The following TARBP1 variants were observed in gnomAD, a reference collection of about 807,000 sequenced individuals.
TARBP1 encodes the protein tRNA guanosine 2 -O-methyltransferase TARBP1.
A neutral mutation model predicts 178.6 loss-of-function variants in TARBP1; 144 were observed. The ratio of observed to expected loss-of-function variants is 0.81; its 90% CI spans 0.70 to 0.93. TARBP1 has a LOEUF of 0.93. TARBP1 is among the 40% of genes least tolerant of loss of function. The pLI is 0.00. For missense variants in TARBP1, 2,067 were observed against 2,011.7 expected, an observed-to-expected ratio of 1.03 and a Z score of -0.53; for synonymous variants, 787 against 781.0, an observed-to-expected ratio of 1.01 and a Z score of -0.13.
rs986216043 is a variant in TARBP1 at position 234,478,490 on chromosome 1, G to C, written c.614C>G (p.Ala205Gly). ...LLPVLVQCGGAALRAVWGGLA... is the reference protein window; with the variant it reads ...LLPVLVQCGGGALRAVWGGLA... ...CCCGCCCCACACGGCCCGCAGCGCC[G>C]CCCCGCCACATTGGACCAGCACTGG... The change falls in exon 1 of 30, where the codon GCG (alanine) becomes GGG (glycine). Residue 205 changes from alanine (A) to glycine (G), a missense_variant. Coordinates refer to ENST00000040877, the MANE Select transcript of TARBP1 (RefSeq NM_005646.4). The C allele has an allele frequency of 1.4e-6, 2 of 1,380,320 alleles. No homozygotes were observed. The highest frequency in any genetic ancestry group is 2.7e-4 in the Middle Eastern group (1 of 3,748). The allele number at this position is 1,380,320 out of a possible 1,614,324, so 85.5% of individuals were successfully genotyped here. A position where few individuals can be genotyped will look rare whatever the true frequency, so the allele number is the denominator to read the frequency against.
At chr1:234,408,186 C>G (rs928698655) in intron 23 of TARBP1, among the ~76,000 whole-genome samples, 4 of 151,642 alleles carry the variant, frequency 2.6e-5, no homozygotes, top group Non-Finnish European at 4.4e-5. Flanking sequence ...CAACTATGAG[C>G]ATAATTAAGA....
chr1:234,441,686 A>G (rs953427053), intron 12 of TARBP1, among the ~76,000 whole-genome samples: 2 of 152,172 alleles, frequency 1.3e-5, no homozygotes, highest in Non-Finnish European at 2.9e-5. Context: ...GAAACCTCAT[A>G]CCCTTTAAAT....
chr1:234,391,825 TATTC>T (rs1659400525), intron 29 of TARBP1, 80 bp from the exon 30 acceptor site: 9 of 1,428,852 alleles, frequency 6.3e-6, no homozygotes, highest in Non-Finnish European at 8.6e-6. Flanking sequence ...ATTTTTTGTT[TATTC>T]ACTTATTTTT....
At position 234,478,618 on chromosome 1, in the gene TARBP1, G is replaced by A. The variant is rs1281387806; in HGVS notation, c.486C>T (p.Arg162=). The change falls in exon 1 of 30, where the codon CGC becomes CGT. Residue 162 remains arginine (R), a synonymous_variant. Transcript: ENST00000040877. The part of the protein sequence containing the change: ...RPREDGPLLE[R]VAGTAVALAL... ...CCAGGGCGACGGCGGTCCCCGCCAC[G>A]CGCTCCAGTAGCGGCCCGTCCTCGC... is the stretch of plus-strand genomic sequence containing the variant. 1.5e-6 allele frequency: 2 copies of A among 1,305,470 alleles called. No individual in the cohort carries two copies. The highest frequency in any genetic ancestry group is 1.6e-5 in the African/African-American group (1 of 64,084). 80.9% of individuals were successfully genotyped at this position (1,305,470 alleles called of 1,614,324 possible). A position where few individuals can be genotyped will look rare whatever the true frequency, so the allele number is the denominator to read the frequency against.
At position 234,393,645 on chromosome 1, in the gene TARBP1, C is replaced by T. The variant is rs780015645; in HGVS notation, c.4435+1G>A. On this transcript the variant is annotated splice_donor_variant, in intron 27 of 29. Transcript: ENST00000040877. LOFTEE classifies it high-confidence loss of function. ...AAGCTCCCAGAAAACTCCAACTTTA[C>T]CTCCTAAATTGGTCGGTTTGTCGAT... 1.1e-5 allele frequency: 18 copies of T among 1,597,098 alleles called. No homozygotes were observed. The highest frequency in any genetic ancestry group is 1.5e-5 in the Non-Finnish European group (18 of 1,168,446).
chr1:234,427,825 G>T, intron 17 of TARBP1, 59 bp from the exon 18 acceptor site: 1 of 1,221,830 alleles, frequency 8.2e-7, no homozygotes, highest in Non-Finnish European at 1.1e-6. Flanking sequence ...AATCAGTGCT[G>T]CTAAAAACTG....
At position 234,429,449 on chromosome 1, in the gene TARBP1, T is replaced by C. The variant is rs1664157595; in HGVS notation, c.2838A>G (p.Pro946=). 6.2e-7 allele frequency: 1 copy of C among 1,613,498 alleles called. No homozygotes were observed. The change falls in exon 16 of 30, where the codon CCA becomes CCG. Residue 946 remains proline, a synonymous_variant. Transcript: ENST00000040877. ...CCAACACTTTCAAGCAATGGAACAC[T>C]GGTAAAACTTGATCAGAAGAAAGAA... ...LTVLSSDQVL[P]VFHCLKVLVP...
At chr1:234,411,068 T>A (rs1019936855) in intron 22 of TARBP1, among the ~76,000 whole-genome samples, 2 of 151,828 alleles carry the variant, frequency 1.3e-5, no homozygotes, top group African/African-American at 4.8e-5. Context: ...AGACCCTGTC[T>A]CAAAAAAAAA....
At chr1:234,423,003 C>T (rs1663285334) in intron 20 of TARBP1, among the ~76,000 whole-genome samples, 1 of 152,198 alleles carries the variant, frequency 6.6e-6, no homozygotes, top group Non-Finnish European at 1.5e-5. Context: ...GTGCTGGGCA[C>T]CACCCCCAGA....
chr1:234,462,931 T>G (rs1407248883), intron 6 of TARBP1, among the ~76,000 whole-genome samples: 1 of 152,118 alleles, frequency 6.6e-6, no homozygotes, highest in Non-Finnish European at 1.5e-5. Flanking sequence ...CTAGGCTCAC[T>G]TTACAAATCA....
At chr1:234,465,993 G>T (rs1429600934) in intron 4 of TARBP1, among the ~76,000 whole-genome samples, 2 of 152,028 alleles carry the variant, frequency 1.3e-5, no homozygotes, top group Non-Finnish European at 2.9e-5. Context: ...GGAAGCCAAA[G>T]AAGAAACATA....
intron 9 of TARBP1, among the ~76,000 whole-genome samples, chr1:234,451,725 GGCGACAGAGCGAGACT>G (rs1666777730): frequency 1.4e-4 from 1 of 7,238 alleles, no homozygotes; most frequent in African/African-American, 1.7e-3. Flanking sequence ...CTCCAGCCTG[GGCGACAGAGCGAGACT>G]CCGTCTCAAA....
At chr1:234,463,014 G>C (rs1668044834) in intron 6 of TARBP1, among the ~76,000 whole-genome samples, 1 of 152,194 alleles carries the variant, frequency 6.6e-6, no homozygotes, top group Admixed American at 6.5e-5. Context: ...AAAAATCACA[G>C]TGCTTTTGTG....
intron 12 of TARBP1, among the ~76,000 whole-genome samples, chr1:234,439,807 CAG>C (rs1375113539): frequency 2.0e-5 from 3 of 152,064 alleles, no homozygotes; most frequent in Non-Finnish European, 4.4e-5. Flanking sequence ...GCCTGGGCAA[CAG>C]AGATTTCAAA....
chr1:234,478,715 G>C lies in TARBP1; in HGVS notation c.389C>G (p.Ala130Gly), dbSNP rs914083042. Residue 130 changes from alanine to glycine, a missense_variant, in exon 1 of 30, where the codon GCC becomes GGC. Ala to Gly is a moderately conservative substitution (Grantham distance 60). Coordinates refer to ENST00000040877, the MANE Select transcript of TARBP1 (RefSeq NM_005646.4). ...LAEEALRDLL[A>G]GWRAPGAEAA... Reference sequence around the variant, plus strand: ...CTCGGCGCCAGGCGCGCGCCACCCGGCGAGCAGATCGCGCAGCGCCTCCTC... The same window carrying C: ...CTCGGCGCCAGGCGCGCGCCACCCGCCGAGCAGATCGCGCAGCGCCTCCTC... 8.3e-7 allele frequency: 1 copy of C among 1,205,218 alleles called. No homozygotes were observed. Among genetic ancestry groups the C allele is most frequent in the African/African-American group, 1.6e-5 (1 of 62,012 alleles). 74.7% of individuals were successfully genotyped at this position (1,205,218 alleles called of 1,614,324 possible). A position where few individuals can be genotyped will look rare whatever the true frequency, so the allele number is the denominator to read the frequency against.
intron 18 of TARBP1, 45 bp from the exon 19 acceptor site, chr1:234,427,433 G>T: frequency 6.6e-7 from 1 of 1,520,700 alleles, no homozygotes; most frequent in South Asian, 1.2e-5. Flanking sequence ...GTTTTAAATA[G>T]AAAAAAAATT....
At chr1:234,395,512 C>T (rs1250234928) in intron 26 of TARBP1, among the ~76,000 whole-genome samples, 4 of 152,186 alleles carry the variant, frequency 2.6e-5, no homozygotes, top group African/African-American at 7.2e-5. Context: ...ACAAGAACGA[C>T]TTCCACGATG....
At chr1:234,433,726 C>T (rs1664714788) in intron 13 of TARBP1, among the ~76,000 whole-genome samples, 155 bp from the exon 14 acceptor site, 1 of 152,202 alleles carries the variant, frequency 6.6e-6, no homozygotes, top group South Asian at 2.1e-4. Flanking sequence ...CCATAACCTC[C>T]CACGCAGAGC....
Position 234,398,537 on chromosome 1 carries a change from A to C in TARBP1, c.4088T>G (p.Leu1363Arg), listed in dbSNP as rs1553272948. 2 of 1,588,504 alleles carry C rather than the reference A, an allele frequency of 1.3e-6. No individual in the cohort carries two copies. The highest frequency in any genetic ancestry group is 1.7e-6 in the Non-Finnish European group (2 of 1,164,218). ...TTCAATAAGGCCTGAAAGGCGTGGA[A>C]GGATGTAAAATATGGTCTGAAAAGA... The part of the protein sequence containing the change: ...DYCLETIFYI[L>R]PRLSGLIEDE... The change falls in exon 26 of 30, where the codon CTT becomes CGT. Residue 1363 changes from leucine (L) to arginine (R), a missense_variant. Physicochemically the swap from Leu to Arg is moderately radical, Grantham distance 102. Coordinates refer to ENST00000040877, the MANE Select transcript of TARBP1 (RefSeq NM_005646.4).
Sources: allele counts gnomAD v4.1 joint callset (sites outside exome capture counted in the v4.1 genomes callset), GRCh38; gene constraint gnomAD v4.1.1; transcripts MANE v1.5; gene names NCBI Gene and HGNC (gene_info 2026-07-23, HGNC 2026-07-21).